The following VAV2 variants were observed in gnomAD, a reference collection of about 807,000 sequenced individuals.
The protein encoded by VAV2 is vav guanine nucleotide exchange factor 2.
In VAV2, 67 loss-of-function variants were observed where a neutral mutation model predicts 132.5. The ratio of observed to expected loss-of-function variants is 0.51; its 90% CI spans 0.42 to 0.62. The LOEUF (loss-of-function observed/expected upper bound fraction) is 0.62, where lower values mean the gene tolerates loss of function less well. VAV2 is among the 20% of genes least tolerant of loss of function. The pLI is 0.00. For missense variants in VAV2, 938 were observed against 1,153.6 expected (o/e 0.81, Z 2.71); for synonymous variants, 492 against 443.5 (o/e 1.11, Z -1.37).
At chr9:133,856,857 T>G (rs757963642) in intron 3 of VAV2, among the ~76,000 whole-genome samples, 17 of 152,208 alleles carry the variant, frequency 1.1e-4, no homozygotes, top group Admixed American at 1.1e-3. Flanking sequence ...CTTAAAATTA[T>G]GTGTATTTAC....
intron 3 of VAV2, among the ~76,000 whole-genome samples, chr9:133,838,438 AAT>A (rs1431168401): frequency 9.1e-5 from 11 of 120,720 alleles, no homozygotes; most frequent in Non-Finnish European, 1.7e-4. Context: ...TGGATGGATG[AAT>A]GGATGGGTGG....
At position 133,836,344 on chromosome 9, in the gene VAV2, T is replaced by C. The variant is rs1407095883; in HGVS notation, c.381-2004A>G. 3.3e-5 allele frequency among the ~76,000 whole-genome samples: 5 copies of C among 152,322 alleles called. No homozygotes were observed. The South Asian group carries it at 1.0e-3, about 32-fold the overall frequency. On this transcript the variant is annotated intron_variant, in intron 3 of 29. Coordinates refer to ENST00000371850, the MANE Select transcript of VAV2 (RefSeq NM_001134398.2). Reference sequence around the variant, plus strand: ...GAAACCCCGCTGCCAGGACCAGCCCTGGGCTGTCCCCGCTCCCGCACCAGC... The same window carrying C: ...GAAACCCCGCTGCCAGGACCAGCCCCGGGCTGTCCCCGCTCCCGCACCAGC...
intron 2 of VAV2, among the ~76,000 whole-genome samples, chr9:133,911,244 G>A (rs371152256): frequency 1.7e-4 from 26 of 152,346 alleles, no homozygotes; most frequent in African/African-American, 5.1e-4. Context: ...GAACACACCC[G>A]TTCCCCAGCC....
intron 3 of VAV2, among the ~76,000 whole-genome samples, chr9:133,851,511 C>T (rs910262991): frequency 1.3e-5 from 2 of 152,216 alleles, no homozygotes; most frequent in Non-Finnish European, 2.9e-5. Flanking sequence ...TTCATCCACC[C>T]ACATCATATT....
intron 3 of VAV2, among the ~76,000 whole-genome samples, chr9:133,854,056 ACT>A (rs1262363570): frequency 6.6e-6 from 1 of 151,248 alleles, no homozygotes. Flanking sequence ...ATACACACAC[ACT>A]CCATGAACCT....
intron 2 of VAV2, among the ~76,000 whole-genome samples, chr9:133,874,112 C>T (rs375257737): frequency 1.8e-4 from 27 of 152,362 alleles, no homozygotes; most frequent in African/African-American, 5.5e-4. Context: ...GCTCTCCACG[C>T]CGCCCTGCCC....
rs775010847 is a variant in VAV2 at position 133,775,058 on chromosome 9, G to A, written c.2019-7C>T. On this transcript the variant is annotated splice_region_variant and splice_polypyrimidine_tract_variant and intron_variant, in intron 24 of 29. Coordinates refer to ENST00000371850, the MANE Select transcript of VAV2 (RefSeq NM_001134398.2). ...CTCCATGTTACCTGCAAACCTACAG[G>A]AGGGGGCCGGGAGGAAACGAGAGCC... 1.3e-6 allele frequency: 2 copies of A among 1,598,688 alleles called. No individual in the cohort carries two copies. The highest frequency in any genetic ancestry group is 1.1e-5 in the South Asian group (1 of 89,368).
chr9:133,819,439 G>C (rs1325865540), intron 4 of VAV2, among the ~76,000 whole-genome samples: 1 of 145,390 alleles, frequency 6.9e-6, no homozygotes, highest in Non-Finnish European at 1.5e-5. Flanking sequence ...ACAGAGCGAG[G>C]CTCCGTCTCA....
Position 133,834,752 on chromosome 9 carries a change from C to T in VAV2, c.381-412G>A, listed in dbSNP as rs530421674. ...ACCTCCTGGTGGGCAGGTGGGAGGG[C>T]TGCCAGCTCAGTCCACGCAGGAGAG... On this transcript the variant is annotated intron_variant, in intron 3 of 29. Coordinates refer to ENST00000371850, the MANE Select transcript of VAV2 (RefSeq NM_001134398.2). The surrounding 1 kb of genome is among the most constrained non-coding windows in gnomAD (Gnocchi z 5.9). Among the ~76,000 whole-genome samples, 40 of 152,324 alleles carry T rather than the reference C, an allele frequency of 2.6e-4. No homozygotes were observed. In the South Asian group the frequency reaches 7.9e-3, roughly 30 times the overall value.
chr9:133,853,096 G>A (rs139413366), intron 3 of VAV2, among the ~76,000 whole-genome samples: 63 of 152,352 alleles, frequency 4.1e-4, no homozygotes, highest in African/African-American at 1.4e-3. Flanking sequence ...CCACTCGGCT[G>A]TCAGGTAAAA....
In VAV2 at chr9:133,918,708, C is replaced by T. The variant is rs962271990; in HGVS notation, c.321+20395G>A. Among the ~76,000 whole-genome samples, 1 of 152,128 alleles carries T rather than the reference C, an allele frequency of 6.6e-6. No homozygotes were observed. Among genetic ancestry groups the T allele is most frequent in the Non-Finnish European group, 1.5e-5 (1 of 68,028 alleles). ...TCCAGGCCCATCTGAGTCCAAAAGT[C>T]CCATTCTCAACCCCTGGGCTCCTAA... On this transcript the variant is annotated intron_variant, in intron 2 of 29. Coordinates refer to ENST00000371850, the MANE Select transcript of VAV2 (RefSeq NM_001134398.2). This position sits in a 1 kb window ranked among gnomAD's most constrained non-coding sequence, Gnocchi z 4.7.
chr9:133,852,660 C>A (rs1837233053), intron 3 of VAV2, among the ~76,000 whole-genome samples: 1 of 152,092 alleles, frequency 6.6e-6, no homozygotes, highest in Non-Finnish European at 1.5e-5. Flanking sequence ...TGCCAGGCTG[C>A]CAGCCCTGCT....
rs541974058 is a variant in VAV2 at position 133,970,282 on chromosome 9, G to A, written c.204+21793C>T. 3.9e-5 allele frequency among the ~76,000 whole-genome samples: 6 copies of A among 152,292 alleles called. No individual in the cohort carries two copies. The South Asian group carries it at 1.2e-3, about 32-fold the overall frequency. ...CACCCGATGACCCCACACAGCAAGCGATGTGAGGAAAACCCCCGCCCGCCA... is the reference window on the plus strand; with the variant it reads ...CACCCGATGACCCCACACAGCAAGCAATGTGAGGAAAACCCCCGCCCGCCA... On this transcript the variant is annotated intron_variant, in intron 1 of 29. Coordinates refer to ENST00000371850, the MANE Select transcript of VAV2 (RefSeq NM_001134398.2).
chr9:133,847,864 G>A (rs1836998404), intron 3 of VAV2, among the ~76,000 whole-genome samples: 1 of 152,166 alleles, frequency 6.6e-6, no homozygotes, highest in African/African-American at 2.4e-5. Context: ...CTCCAGAAGG[G>A]CCACAGTGAC....
intron 1 of VAV2, among the ~76,000 whole-genome samples, chr9:133,976,147 A>C (rs1249074977): frequency 6.6e-6 from 1 of 152,070 alleles, no homozygotes; most frequent in East Asian, 1.9e-4. Flanking sequence ...CGGAGGTTGC[A>C]GTGAGCGGAG....
intron 8 of VAV2, among the ~76,000 whole-genome samples, chr9:133,807,009 T>C (rs902775132): frequency 6.6e-6 from 1 of 152,238 alleles, no homozygotes; most frequent in Non-Finnish European, 1.5e-5. Context: ...GCGTCATCCG[T>C]GCCTCCAGCC....
At chr9:133,822,977 ACC>A (rs1163374854) in intron 4 of VAV2, among the ~76,000 whole-genome samples, 20 of 152,260 alleles carry the variant, frequency 1.3e-4, no homozygotes, top group African/African-American at 4.3e-4. Context: ...GGGCTGGAGC[ACC>A]CACCTTGCAG....
chr9:133,971,454 C>T (rs1001053088), intron 1 of VAV2, among the ~76,000 whole-genome samples: 1 of 152,092 alleles, frequency 6.6e-6, no homozygotes, highest in Non-Finnish European at 1.5e-5. Flanking sequence ...CCACGGCCCA[C>T]ACACACACAG....
rs916508960 is a variant in VAV2 at position 133,884,435 on chromosome 9, G to A, written c.322-23003C>T. Among the ~76,000 whole-genome samples, 2 of 152,108 alleles carry A rather than the reference G, an allele frequency of 1.3e-5. No homozygotes were observed. Among genetic ancestry groups the A allele is most frequent in the Admixed American group, 6.5e-5 (1 of 15,276 alleles). ...GGGCTGGCTGCCCTTCTCAACGCCC[G>A]CCACACTTTGTCAATTAATTAGGGA... On this transcript the variant is annotated intron_variant, in intron 2 of 29. Coordinates refer to ENST00000371850, the MANE Select transcript of VAV2 (RefSeq NM_001134398.2). The surrounding 1 kb of genome is among the most constrained non-coding windows in gnomAD (Gnocchi z 5.3).
Sources: allele counts gnomAD v4.1 joint callset (sites outside exome capture counted in the v4.1 genomes callset), GRCh38; gene constraint gnomAD v4.1.1; non-coding constraint Gnocchi (gnomAD v3.1); transcripts MANE v1.5; gene names NCBI Gene and HGNC (gene_info 2026-07-23, HGNC 2026-07-21).